Variants in EGFR observed in about 807,000 individuals in gnomAD.
EGFR encodes epidermal growth factor receptor, also known as avian erythroblastic leukemia viral (v-erb-b) oncogene homolog.
EGFR carries 58 observed loss-of-function variants against 143.0 expected under a neutral mutation model. The ratio of observed to expected loss-of-function variants is 0.41; its 90% confidence interval spans 0.33 to 0.50. The LOEUF is 0.50. Among genes scored for constraint, EGFR ranks in the 20% least tolerant of loss-of-function variants. The pLI is 0.39. For synonymous variants in EGFR, 613 were observed against 594.4 expected (o/e 1.03, Z -0.45); for missense variants, 1,307 against 1,579.0 (o/e 0.83, Z 2.92).
intron 1 of EGFR, among the ~76,000 whole-genome samples, chr7:55,139,786 A>G (rs1353368759): frequency 3.3e-5 from 5 of 152,208 alleles, no homozygotes; most frequent in African/African-American, 1.2e-4. Flanking sequence ...TGGAATCATC[A>G]TGACGTAGAA....
At chr7:55,120,259 G>A (rs764129185) in intron 1 of EGFR, among the ~76,000 whole-genome samples, 24 of 152,136 alleles carry the variant, frequency 1.6e-4, no homozygotes, top group Admixed American at 1.2e-3. Flanking sequence ...ACCCACCCTC[G>A]TGGTTCCTGT....
chr7:55,023,669 A>AAC (rs10668776), intron 1 of EGFR, among the ~76,000 whole-genome samples: 1 of 151,088 alleles, frequency 6.6e-6, no homozygotes, highest in Non-Finnish European at 1.5e-5. Context: ...AAAAAAAAAA[A>AAC]CAGATTCTGT....
At chr7:55,201,128 C>T (rs1402059513) in intron 24 of EGFR, 60 bp from the exon 25 acceptor site, 2 of 1,610,202 alleles carry the variant, frequency 1.2e-6, no homozygotes, top group Non-Finnish European at 8.5e-7. Flanking sequence ...GCTCCTATAG[C>T]CAAGAAGTGG....
chr7:55,160,777 T>C (rs1041041202), intron 12 of EGFR, among the ~76,000 whole-genome samples: 1 of 152,260 alleles, frequency 6.6e-6, no homozygotes, highest in African/African-American at 2.4e-5. Context: ...GTGCTGGGCC[T>C]TGGCCACGGG....
intron 1 of EGFR, among the ~76,000 whole-genome samples, chr7:55,094,934 C>T (rs1011651453): frequency 3.9e-5 from 6 of 152,214 alleles, no homozygotes; most frequent in Non-Finnish European, 8.8e-5. Flanking sequence ...AGTGCAGCAG[C>T]GGCAACCATA....
intron 3 of EGFR, among the ~76,000 whole-genome samples, chr7:55,146,061 C>A (rs1794743762): frequency 6.6e-6 from 1 of 152,176 alleles, no homozygotes; most frequent in African/African-American, 2.4e-5. Context: ...TTTCACCATC[C>A]TGTGCATCCC....
chr7:55,142,892 T>C (rs1162884451), intron 2 of EGFR, among the ~76,000 whole-genome samples: 1 of 152,252 alleles, frequency 6.6e-6, no homozygotes, highest in African/African-American at 2.4e-5. Context: ...CTCTGAAGGC[T>C]TCAGAGTTTC....
At chr7:55,117,778 GAC>G (rs1469661345) in intron 1 of EGFR, among the ~76,000 whole-genome samples, 1 of 152,222 alleles carries the variant, frequency 6.6e-6, no homozygotes, top group Non-Finnish European at 1.5e-5. Context: ...CATGGTGAAT[GAC>G]ACAGTCAGGG....
intron 21 of EGFR, among the ~76,000 whole-genome samples, chr7:55,192,363 G>A (rs944530054): frequency 6.6e-6 from 1 of 152,114 alleles, no homozygotes; most frequent in Non-Finnish European, 1.5e-5. Context: ...GCACTAAGGG[G>A]TGCGCGTCCC....
At position 55,129,627 on chromosome 7, in the gene EGFR, C is replaced by T. The variant is rs898139655; in HGVS notation, c.89-12659C>T. Among the ~76,000 whole-genome samples, 6 of 152,296 alleles carry T rather than the reference C, an allele frequency of 3.9e-5. No individual in the cohort carries two copies. In the South Asian group the frequency reaches 1.0e-3, roughly 26 times the overall value. Reference sequence around the variant, plus strand: ...ATCTAGAAGTAAATTGTGCCCAGCACGGAGCTGCAACACTGCCCTGCACAC... The same window carrying T: ...ATCTAGAAGTAAATTGTGCCCAGCATGGAGCTGCAACACTGCCCTGCACAC... On this transcript the variant is annotated intron_variant, in intron 1 of 27. Transcript: ENST00000275493.
chr7:55,202,678 A>G, intron 27 of EGFR, 53 bp downstream of exon 27: 1 of 1,516,816 alleles, frequency 6.6e-7, no homozygotes, highest in Middle Eastern at 1.7e-4. Flanking sequence ...CGACCCACTC[A>G]GCAGCAGCCA....
chr7:55,170,828 G>C, intron 15 of EGFR: 1 of 1,415,456 alleles, frequency 7.1e-7, no homozygotes, highest in East Asian at 2.6e-5. Flanking sequence ...TTCTAGCCTT[G>C]GTTCCTTCTG....
chr7:55,092,857 A>G (rs1051960460), intron 1 of EGFR, among the ~76,000 whole-genome samples: 2 of 152,238 alleles, frequency 1.3e-5, no homozygotes, highest in African/African-American at 4.8e-5. Context: ...GGTTCTGATG[A>G]TGTTACTAAA....
intron 1 of EGFR, among the ~76,000 whole-genome samples, chr7:55,031,736 A>G (rs752768166): frequency 6.6e-6 from 1 of 152,270 alleles, no homozygotes; most frequent in Admixed American, 6.5e-5. Flanking sequence ...TCACGAACTC[A>G]AGGCCTAAAT....
chr7:55,170,616 C>T, intron 15 of EGFR: 19 of 1,604,514 alleles, frequency 1.2e-5, no homozygotes, highest in Admixed American at 1.7e-5. Flanking sequence ...CCGCCAGGTT[C>T]CCAAGAGTAT....
intron 1 of EGFR, among the ~76,000 whole-genome samples, chr7:55,057,642 T>C (rs957632076): frequency 6.6e-6 from 1 of 152,234 alleles, no homozygotes; most frequent in Admixed American, 6.5e-5. Context: ...TACCAGCCTC[T>C]TTCCTTGTTT....
At chr7:55,156,736 A>AATC (rs1785437239) in intron 9 of EGFR, 23 bp from the exon 10 acceptor site, 2 of 1,613,778 alleles carry the variant, frequency 1.2e-6, no homozygotes, top group East Asian at 4.5e-5. Flanking sequence ...GGTGATCAAT[A>AATC]ATCACCCTGT....
chr7:55,036,704 T>A (rs1787604473), intron 1 of EGFR, among the ~76,000 whole-genome samples: 1 of 152,154 alleles, frequency 6.6e-6, no homozygotes, highest in Admixed American at 6.6e-5. Context: ...AAATTCAAAG[T>A]GGCCCTCATC....
At chr7:55,079,214 G>A (rs761447709) in intron 1 of EGFR, among the ~76,000 whole-genome samples, 1 of 152,106 alleles carries the variant, frequency 6.6e-6, no homozygotes, top group Non-Finnish European at 1.5e-5. Context: ...GGGAAGGAAA[G>A]GTCAGAAGAG....
Sources: allele counts gnomAD v4.1 joint callset (sites outside exome capture counted in the v4.1 genomes callset), GRCh38; gene constraint gnomAD v4.1.1; transcripts MANE v1.5; gene names NCBI Gene and HGNC (gene_info 2026-07-23, HGNC 2026-07-21).